GLDC: variants seen among roughly 807,000 people sequenced by gnomAD.
GLDC encodes the protein glycine decarboxylase, also known as glycine dehydrogenase (decarboxylating), mitochondrial.
GLDC carries 104 observed loss-of-function variants against 121.3 expected under a neutral mutation model. The ratio of observed to expected loss-of-function variants is 0.86; its 90% CI spans 0.73 to 1.01. GLDC has a LOEUF of 1.01. Among genes scored for constraint, GLDC ranks in the 50% least tolerant of loss-of-function variants. The pLI is 0.00. For missense variants in GLDC, 1,429 were observed against 1,306.6 expected (o/e 1.09, Z -1.44); for synonymous variants, 546 against 480.6 (o/e 1.14, Z -1.78).
chr9:6,547,393 T>C (rs764152606), intron 21 of GLDC, among the ~76,000 whole-genome samples: 1 of 152,136 alleles, frequency 6.6e-6, no homozygotes, highest in Non-Finnish European at 1.5e-5. Context: ...TGGCTACATA[T>C]ACTAAAACAA....
intron 15 of GLDC, among the ~76,000 whole-genome samples, chr9:6,575,121 G>A (rs1190195781): frequency 6.6e-6 from 1 of 151,370 alleles, no homozygotes; most frequent in Non-Finnish European, 1.5e-5. Context: ...CAGGAAAATC[G>A]CTTGAATTCG....
intron 3 of GLDC, among the ~76,000 whole-genome samples, chr9:6,616,040 C>A (rs919325612): frequency 2.0e-5 from 3 of 152,196 alleles, no homozygotes; most frequent in Non-Finnish European, 2.9e-5. Context: ...CTCACATGAT[C>A]TTCCTGCCTC....
intron 2 of GLDC, among the ~76,000 whole-genome samples, chr9:6,627,080 G>C (rs539622983): frequency 6.6e-6 from 1 of 152,208 alleles, no homozygotes; most frequent in East Asian, 1.9e-4. Flanking sequence ...TGGATCACAA[G>C]ATCAGGAGAT....
At chr9:6,552,108 G>A (rs1211633471) in intron 20 of GLDC, among the ~76,000 whole-genome samples, 2 of 152,202 alleles carry the variant, frequency 1.3e-5, no homozygotes, top group Non-Finnish European at 2.9e-5. Flanking sequence ...TAGCAGTCCT[G>A]TAGGTGCGCC....
chr9:6,555,838 G>A (rs972246013), intron 18 of GLDC, among the ~76,000 whole-genome samples: 1 of 151,998 alleles, frequency 6.6e-6, no homozygotes. Flanking sequence ...ACACCAATAA[G>A]AGTCTCAAAA....
intron 16 of GLDC, 51 bp downstream of exon 16, chr9:6,565,303 C>G (rs1340057726): frequency 3.1e-6 from 4 of 1,293,626 alleles, no homozygotes; most frequent in Non-Finnish European, 4.5e-6. Context: ...CCCTGAGAGC[C>G]AGGACCTCTG....
chr9:6,555,079 A>C, intron 18 of GLDC: 3 of 457,170 alleles, frequency 6.6e-6, no homozygotes, highest in Non-Finnish European at 8.1e-6. Context: ...ACACACCACA[A>C]AGGGAGAGAA....
chr9:6,572,087 T>C (rs534560160), intron 15 of GLDC, among the ~76,000 whole-genome samples: 66 of 152,226 alleles, frequency 4.3e-4, no homozygotes, highest in African/African-American at 1.6e-3. Flanking sequence ...ATGAAATTTC[T>C]GGGAAAAACA....
intron 16 of GLDC, among the ~76,000 whole-genome samples, chr9:6,564,147 C>T (rs1563839222): frequency 6.6e-6 from 1 of 151,788 alleles, no homozygotes; most frequent in Non-Finnish European, 1.5e-5. Flanking sequence ...ACTCAGGAGG[C>T]TGAGGCACAA....
rs1418072806 is a variant in GLDC at position 6,582,193 on chromosome 9, C to T, written c.1850+4948G>A. Among the ~76,000 whole-genome samples the T allele has an allele frequency of 7.9e-5, 9 of 113,582 alleles. No individual in the cohort carries two copies. In the East Asian group the frequency reaches 2.4e-3, roughly 30 times the overall value. 74.5% of individuals were successfully genotyped at this position (113,582 alleles called of 152,430 possible). On this transcript the variant is annotated intron_variant, in intron 15 of 24. Transcript: ENST00000321612. ...TTGCTCCACTGCACTCCAACTTGGG[C>T]GACAGAGCAAGACTTCGTCTCAAAA...
At chr9:6,638,258 G>A (rs751283404) in intron 2 of GLDC, among the ~76,000 whole-genome samples, 2 of 151,640 alleles carry the variant, frequency 1.3e-5, no homozygotes, top group South Asian at 2.1e-4. Context: ...CGCCCAGGCT[G>A]GAGTGCAATG....
At chr9:6,592,427 A>C (rs1206931103) in intron 10 of GLDC, among the ~76,000 whole-genome samples, 3 of 152,180 alleles carry the variant, frequency 2.0e-5, no homozygotes, top group African/African-American at 7.2e-5. Context: ...TTTGCCAGCC[A>C]CCTCTGAACT....
At chr9:6,597,451 C>T (rs1471164099) in intron 8 of GLDC, among the ~76,000 whole-genome samples, 1 of 152,156 alleles carries the variant, frequency 6.6e-6, no homozygotes, top group Non-Finnish European at 1.5e-5. Context: ...GCCAACAAGG[C>T]TGGATGCAGT....
rs12352917 is a variant in GLDC, at chr9:6,629,087, C to T, written c.335-8768G>A. Among the ~76,000 whole-genome samples the T allele has an allele frequency of 1.4e-3, 220 of 151,954 alleles. 2 individuals carry two copies. Among genetic ancestry groups the T allele is most frequent in the African/African-American group, 5.0e-3 (206 of 41,468 alleles). On this transcript the variant is annotated intron_variant, in intron 2 of 24. Transcript: ENST00000321612. Reference sequence around the variant, plus strand: ...ATTTAGAATGAATGCTTCCTCTTTACATCATTCCACATAAGAGCCCTTCTA... The same window carrying T: ...ATTTAGAATGAATGCTTCCTCTTTATATCATTCCACATAAGAGCCCTTCTA...
chr9:6,597,358 G>T (rs1378446151), intron 8 of GLDC, among the ~76,000 whole-genome samples: 2 of 152,108 alleles, frequency 1.3e-5, no homozygotes, highest in Non-Finnish European at 2.9e-5. Context: ...ACTTGCAATT[G>T]GTGAAACTTA....
chr9:6,567,803 G>T (rs1817881360), intron 15 of GLDC, among the ~76,000 whole-genome samples: 1 of 152,112 alleles, frequency 6.6e-6, no homozygotes, highest in Non-Finnish European at 1.5e-5. Flanking sequence ...CATTTACTTT[G>T]TATGCCTGTC....
At chr9:6,601,151 C>A (rs565095427) in intron 8 of GLDC, among the ~76,000 whole-genome samples, 1 of 151,968 alleles carries the variant, frequency 6.6e-6, no homozygotes, top group Non-Finnish European at 1.5e-5. Flanking sequence ...CCAGCCTGGG[C>A]GACAGAGTAA....
intron 14 of GLDC, 94 bp downstream of exon 14, chr9:6,588,307 C>T: frequency 3.5e-6 from 3 of 862,714 alleles, no homozygotes; most frequent in Non-Finnish European, 6.1e-6. Flanking sequence ...ATCACAGAAT[C>T]ACAGTCCCAG....
chr9:6,539,964 A>T, intron 22 of GLDC, 87 bp downstream of exon 22: 2 of 865,106 alleles, frequency 2.3e-6, no homozygotes, highest in Non-Finnish European at 4.0e-6. Flanking sequence ...AGATCAGTTT[A>T]CTGTGGTGCC....
Sources: allele counts gnomAD v4.1 joint callset (sites outside exome capture counted in the v4.1 genomes callset), GRCh38; gene constraint gnomAD v4.1.1; transcripts MANE v1.5; gene names NCBI Gene and HGNC (gene_info 2026-07-23, HGNC 2026-07-21).